Variants in SRGAP1 observed in about 807,000 individuals in gnomAD.
SRGAP1 encodes SLIT-ROBO Rho GTPase-activating protein 1.
A neutral mutation model predicts 121.9 loss-of-function variants in SRGAP1; 43 were observed. That is an observed-to-expected ratio of 0.35 (90% CI 0.28 to 0.46). The LOEUF is 0.46. SRGAP1 is among the 20% of genes least tolerant of loss of function. SRGAP1 has a pLI of 1.00. For missense variants in SRGAP1, 1,102 were observed against 1,350.9 expected (o/e 0.82, Z 2.89); for synonymous variants, 447 against 485.4 (o/e 0.92, Z 1.04).
At position 63,961,348 on chromosome 12, in the gene SRGAP1, C is replaced by A. The variant is rs539707813; in HGVS notation, c.68-22599C>A. ...TGCCCCTAATATTGGCTAGCATCTC[C>A]TCACATGGAATTCTGGAAGCCTCGC... On this transcript the variant is annotated intron_variant, in intron 1 of 21. Transcript: ENST00000355086. Among the ~76,000 whole-genome samples the A allele has an allele frequency of 2.0e-5, 3 of 152,340 alleles. No individual in the cohort carries two copies. The South Asian group carries it at 6.2e-4, about 32-fold the overall frequency.
rs76024240 is a variant in SRGAP1, at chr12:64,160,555, G to A, written c.*17883G>A. 20 of 152,188 alleles carry A rather than the reference G, an allele frequency of 1.3e-4. No individual in the cohort carries two copies. The South Asian group carries it at 1.5e-3, about 11-fold the overall frequency. 9.4% of individuals were successfully genotyped at this position (152,188 alleles called of 1,614,324 possible). On this transcript the variant is annotated 3_prime_UTR_variant, in exon 22 of 22. Transcript: ENST00000355086. ...AAAAGGCAAATATATCTCATATGTCGGAAGATTAATGTATGAATAATCAGT... is the reference window on the plus strand; with the variant it reads ...AAAAGGCAAATATATCTCATATGTCAGAAGATTAATGTATGAATAATCAGT...
chr12:64,123,840 A>G (rs1218702824), intron 18 of SRGAP1, among the ~76,000 whole-genome samples: 2 of 152,080 alleles, frequency 1.3e-5, no homozygotes, highest in Admixed American at 6.6e-5. Flanking sequence ...TGTTTTAAAC[A>G]TTATCCTTAC....
chr12:63,863,767 T>C (rs965846048), intron 1 of SRGAP1, among the ~76,000 whole-genome samples: 7 of 152,222 alleles, frequency 4.6e-5, no homozygotes, highest in Admixed American at 6.5e-5. Context: ...CAGAGTTTAA[T>C]TGAGCAAAGA....
chr12:63,994,976 G>A (rs1002840567), intron 3 of SRGAP1, among the ~76,000 whole-genome samples: 1 of 152,198 alleles, frequency 6.6e-6, no homozygotes, highest in Non-Finnish European at 1.5e-5. Context: ...TTGCAGGACA[G>A]GCTATCCAGC....
At position 64,144,415 on chromosome 12, in the gene SRGAP1, G is replaced by A. The variant is rs1284340476; in HGVS notation, c.*1743G>A. 1 of 152,116 alleles carries A rather than the reference G, an allele frequency of 6.6e-6. No homozygotes were observed. The highest frequency in any genetic ancestry group is 1.5e-5 in the Non-Finnish European group (1 of 68,026). The allele number at this position is 152,116 out of a possible 1,614,324, so 9.4% of individuals were successfully genotyped here. A position where few individuals can be genotyped will look rare whatever the true frequency, so the allele number is the denominator to read the frequency against. ...TGAATGCATCGTGCAGAAAAGAACT[G>A]GGATCTGTACTAAAATCAAGATCAT... On this transcript the variant is annotated 3_prime_UTR_variant, in exon 22 of 22. Transcript: ENST00000355086.
chr12:64,016,266 G>A (rs953367926), intron 3 of SRGAP1, among the ~76,000 whole-genome samples: 20 of 151,966 alleles, frequency 1.3e-4, no homozygotes, highest in East Asian at 3.9e-4. Flanking sequence ...GTGAAACCCC[G>A]TCTCTACAAA....
intron 1 of SRGAP1, among the ~76,000 whole-genome samples, chr12:63,876,056 G>C (rs868242125): frequency 3.3e-5 from 5 of 152,136 alleles, no homozygotes; most frequent in South Asian, 2.1e-4. Context: ...TTTAAAAAAA[G>C]TGTGTTTATT....
chr12:63,866,166 G>A (rs989422105), intron 1 of SRGAP1, among the ~76,000 whole-genome samples: 9 of 152,098 alleles, frequency 5.9e-5, no homozygotes, highest in African/African-American at 1.7e-4. Context: ...GTTGTTCTTC[G>A]ACAACTTTTT....
chr12:63,954,643 A>C (rs1333839187), intron 1 of SRGAP1, among the ~76,000 whole-genome samples: 3 of 137,092 alleles, frequency 2.2e-5, no homozygotes, highest in Non-Finnish European at 4.6e-5. Context: ...GTGCCACTGC[A>C]CTCCAGCCTG....
chr12:64,093,497 A>G lies in SRGAP1; in HGVS notation c.1540-1435A>G, dbSNP rs12311062. ...CTAAATTCAGCAGAGATGTAAACTA[A>G]TGATCTCTTTTTATCACTTACATTT... On this transcript the variant is annotated intron_variant, in intron 12 of 21. Transcript: ENST00000355086. Among the ~76,000 whole-genome samples, 1,129 of 152,242 alleles carry G rather than the reference A, an allele frequency of 7.4e-3. 19 individuals carry two copies. Among genetic ancestry groups the G allele is most frequent in the African/African-American group, 0.024 (1,016 of 41,566 alleles).
intron 15 of SRGAP1, among the ~76,000 whole-genome samples, chr12:64,104,601 G>A (rs774167331): frequency 3.3e-5 from 5 of 152,188 alleles, no homozygotes; most frequent in East Asian, 1.9e-4. Flanking sequence ...GTACCAGAGC[G>A]AAGCTCCTGT....
At chr12:63,955,298 GACAGAGT>G (rs2032429546) in intron 1 of SRGAP1, among the ~76,000 whole-genome samples, 1 of 152,092 alleles carries the variant, frequency 6.6e-6, no homozygotes, top group Non-Finnish European at 1.5e-5. Context: ...CAGCCTGGGT[GACAGAGT>G]GAGACTCTGC....
chr12:63,964,363 C>G (rs138941084), intron 1 of SRGAP1, among the ~76,000 whole-genome samples: 1 of 152,066 alleles, frequency 6.6e-6, no homozygotes, highest in Non-Finnish European at 1.5e-5. Flanking sequence ...GTTTTTGAAG[C>G]CTTTTGTCAT....
chr12:63,952,729 C>T (rs1049465571), intron 1 of SRGAP1, among the ~76,000 whole-genome samples: 26 of 152,020 alleles, frequency 1.7e-4, no homozygotes, highest in Non-Finnish European at 2.6e-4. Context: ...TACAAAGAGC[C>T]CTGAGTGGAG....
intron 1 of SRGAP1, among the ~76,000 whole-genome samples, chr12:63,865,261 G>A (rs1052478046): frequency 1.3e-4 from 20 of 152,110 alleles, no homozygotes; most frequent in Admixed American, 3.9e-4. Flanking sequence ...GTGAGGTCAG[G>A]AGTTCGAGAC....
intron 4 of SRGAP1, among the ~76,000 whole-genome samples, chr12:64,030,659 A>T (rs1014337048): frequency 6.6e-6 from 1 of 152,240 alleles, no homozygotes; most frequent in Non-Finnish European, 1.5e-5. Flanking sequence ...CATGTAGCAT[A>T]TCTGTAAGTA....
At position 64,146,501 on chromosome 12, in the gene SRGAP1, G is replaced by C. The variant is rs1037482074; in HGVS notation, c.*3829G>C. On this transcript the variant is annotated 3_prime_UTR_variant, in exon 22 of 22. Coordinates refer to ENST00000355086, the MANE Select transcript of SRGAP1 (RefSeq NM_020762.4). Reference sequence around the variant, plus strand: ...CTACAAACTGAAGAAACTTTCATCTGATCAGCCTTGGAAATCCAAAGTTAA... The same window carrying C: ...CTACAAACTGAAGAAACTTTCATCTCATCAGCCTTGGAAATCCAAAGTTAA... The C allele has an allele frequency of 6.6e-6, 1 of 152,140 alleles. No homozygotes were observed. Among genetic ancestry groups the C allele is most frequent in the African/African-American group, 2.4e-5 (1 of 41,424 alleles). The allele number at this position is 152,140 out of a possible 1,614,324, so 9.4% of individuals were successfully genotyped here. A position where few individuals can be genotyped will look rare whatever the true frequency, so the allele number is the denominator to read the frequency against.
intron 1 of SRGAP1, among the ~76,000 whole-genome samples, chr12:63,925,582 T>G (rs1228331937): frequency 6.6e-6 from 1 of 152,156 alleles, no homozygotes; most frequent in Non-Finnish European, 1.5e-5. Context: ...TATTGAGAAT[T>G]TGCATATGTT....
chr12:63,980,354 C>T (rs1431561812), intron 1 of SRGAP1, among the ~76,000 whole-genome samples: 1 of 152,158 alleles, frequency 6.6e-6, no homozygotes, highest in Non-Finnish European at 1.5e-5. Flanking sequence ...CTGCATGGCC[C>T]TTTGATCTGT....
Sources: allele counts gnomAD v4.1 joint callset (sites outside exome capture counted in the v4.1 genomes callset), GRCh38; gene constraint gnomAD v4.1.1; transcripts MANE v1.5; gene names NCBI Gene and HGNC (gene_info 2026-07-23, HGNC 2026-07-21).